The following ZIM2 variants were observed in gnomAD, a reference collection of about 807,000 sequenced individuals.
The protein encoded by ZIM2 is zinc finger imprinted 2, also known as zinc finger protein 656.
A neutral mutation model predicts 38.6 loss-of-function variants in ZIM2; 14 were observed. The ratio of observed to expected loss-of-function variants is 0.36; its 90% CI spans 0.24 to 0.57. The LOEUF (loss-of-function observed/expected upper bound fraction) is 0.57, where lower values mean the gene tolerates loss of function less well. Among genes scored for constraint, ZIM2 ranks in the 20% least tolerant of loss-of-function variants. ZIM2 has a pLI of 0.81. For missense variants in ZIM2, 680 were observed against 695.1 expected (o/e 0.98, Z 0.24); for synonymous variants, 247 against 245.8 (o/e 1.00, Z -0.04).
intron 9 of ZIM2, chr19:56,813,904 G>C (rs761864072): frequency 6.2e-7 from 1 of 1,614,194 alleles, no homozygotes; most frequent in Admixed American, 1.7e-5. Context: ...GGAAGTGAAG[G>C]TTTCTGTGCA....
At chr19:56,823,442 T>C (rs1306220556) in intron 5 of ZIM2, 148 bp downstream of exon 5, 1 of 769,842 alleles carries the variant, frequency 1.3e-6, no homozygotes, top group African/African-American at 1.7e-5. Flanking sequence ...ATGACATCAA[T>C]TAATTTACCC....
At position 56,816,655 on chromosome 19, in the gene ZIM2, T is replaced by C. The variant is rs79960989; in HGVS notation, c.490+1091A>G. The C allele has an allele frequency of 1.6e-3, 2,525 of 1,612,366 alleles. 45 individuals are homozygous for C. In the African/African-American group the frequency reaches 0.03, roughly 19 times the overall value. Reference sequence around the variant, plus strand: ...GCGCTCACGTTCACGTTCACGTTCATGTTCACGCTCATTATCTTTGTCATC... The same window carrying C: ...GCGCTCACGTTCACGTTCACGTTCACGTTCACGCTCATTATCTTTGTCATC... On this transcript the variant is annotated intron_variant, in intron 9 of 12. Transcript: ENST00000629319.
At chr19:56,821,128 G>A (rs1435222327) in intron 7 of ZIM2, among the ~76,000 whole-genome samples, 2 of 152,246 alleles carry the variant, frequency 1.3e-5, no homozygotes, top group African/African-American at 4.8e-5. Context: ...ATGTGTGTGA[G>A]TGACTTTTCA....
chr19:56,812,640 T>C, intron 9 of ZIM2: 3 of 985,802 alleles, frequency 3.0e-6, no homozygotes, highest in Non-Finnish European at 3.6e-6. Flanking sequence ...TGAAAGGTTA[T>C]TAGCCTGCAA....
intron 2 of ZIM2, among the ~76,000 whole-genome samples, chr19:56,827,821 C>T (rs1472717991): frequency 6.6e-6 from 1 of 152,048 alleles, no homozygotes; most frequent in Non-Finnish European, 1.5e-5. Context: ...CCGGACACAG[C>T]ACTGTATACA....
intron 9 of ZIM2, chr19:56,813,850 A>G (rs1291763241): frequency 3.7e-6 from 6 of 1,614,152 alleles, no homozygotes; most frequent in South Asian, 1.1e-5. Context: ...CTCAAATATG[A>G]TCATGCTGGC....
At chr19:56,775,985 C>T (rs1486255718) in intron 12 of ZIM2, among the ~76,000 whole-genome samples, 1 of 151,410 alleles carries the variant, frequency 6.6e-6, no homozygotes, top group Non-Finnish European at 1.5e-5. Context: ...CCTGTAGTCC[C>T]AACTACTCAG....
At chr19:56,815,553 G>T (rs1416097979) in intron 9 of ZIM2, 1 of 1,613,974 alleles carries the variant, frequency 6.2e-7, no homozygotes, top group South Asian at 1.1e-5. Context: ...TCCCTCGAGG[G>T]CGAAATGTTT....
At chr19:56,793,512 T>C (rs2047045924) in intron 9 of ZIM2, among the ~76,000 whole-genome samples, 1 of 152,180 alleles carries the variant, frequency 6.6e-6, no homozygotes, top group Non-Finnish European at 1.5e-5. Context: ...GACTTACAAC[T>C]AGCCTGCATA....
chr19:56,807,813 A>C (rs2047831808), intron 9 of ZIM2, among the ~76,000 whole-genome samples: 1 of 152,170 alleles, frequency 6.6e-6, no homozygotes, highest in Admixed American at 6.5e-5. Context: ...GAAAATTAAA[A>C]AGAAAACACA....
At chr19:56,813,892 C>T (rs1188451891) in intron 9 of ZIM2, 1 of 1,614,088 alleles carries the variant, frequency 6.2e-7, no homozygotes, top group Non-Finnish European at 8.5e-7. Flanking sequence ...GAATGCTGTG[C>T]TGGAAGTGAA....
intron 7 of ZIM2, among the ~76,000 whole-genome samples, 174 bp from the exon 8 acceptor site, chr19:56,818,876 C>T (rs754991643): frequency 1.3e-5 from 2 of 152,200 alleles, no homozygotes; most frequent in Non-Finnish European, 2.9e-5. Flanking sequence ...TCGTACCTAC[C>T]TTGGTGCTAC....
chr19:56,824,177 G>C, intron 4 of ZIM2, 85 bp downstream of exon 4: 2 of 1,550,782 alleles, frequency 1.3e-6, no homozygotes, highest in South Asian at 2.5e-5. Context: ...ATCCAGTCCA[G>C]ACCATGTCAG....
intron 9 of ZIM2, chr19:56,813,044 A>G (rs1193492307): frequency 2.0e-6 from 2 of 985,368 alleles, no homozygotes; most frequent in Non-Finnish European, 2.4e-6. Context: ...AAGCCATGTT[A>G]TCTATCATGC....
chr19:56,789,110 G>A (rs2046789240), intron 10 of ZIM2, among the ~76,000 whole-genome samples: 1 of 151,866 alleles, frequency 6.6e-6, no homozygotes, highest in Non-Finnish European at 1.5e-5. Context: ...CTTTAGCTTG[G>A]AGGAGTTTGG....
At chr19:56,811,735 C>A in intron 9 of ZIM2, 1 of 985,620 alleles carries the variant, frequency 1.0e-6, no homozygotes, top group African/African-American at 1.7e-5. Flanking sequence ...TCCGTTCCAA[C>A]CTCAGTCCTT....
At chr19:56,838,990 GC>G (rs1269981413) in intron 1 of ZIM2, among the ~76,000 whole-genome samples, 5 of 151,936 alleles carry the variant, frequency 3.3e-5, no homozygotes, top group Non-Finnish European at 7.4e-5. Context: ...CGCCGCATCT[GC>G]CGCCAACCAA....
chr19:56,818,924 C>A (rs2060225142), intron 7 of ZIM2, among the ~76,000 whole-genome samples: 1 of 152,222 alleles, frequency 6.6e-6, no homozygotes, highest in Non-Finnish European at 1.5e-5. Context: ...GACACATATT[C>A]CTTGCCCTCA....
At chr19:56,796,178 G>T (rs1257807709) in intron 9 of ZIM2, among the ~76,000 whole-genome samples, 1 of 152,072 alleles carries the variant, frequency 6.6e-6, no homozygotes, top group Non-Finnish European at 1.5e-5. Context: ...ACCCCCCAGG[G>T]TATCAAATTT....
Sources: allele counts gnomAD v4.1 joint callset (sites outside exome capture counted in the v4.1 genomes callset), GRCh38; gene constraint gnomAD v4.1.1; transcripts MANE v1.5; gene names NCBI Gene and HGNC (gene_info 2026-07-23, HGNC 2026-07-21).